MAP3K7: variants seen among roughly 807,000 people sequenced by gnomAD.
The protein encoded by MAP3K7 is TGF-beta activated kinase 1.
Under a neutral mutation model 84.8 loss-of-function variants are expected in MAP3K7, and 21 were observed. The observed-to-expected ratio is 0.25, with a 90% CI of 0.18 to 0.36. The LOEUF (loss-of-function observed/expected upper bound fraction) is 0.36. Ranked by LOEUF, MAP3K7 falls within the 10% of genes least tolerant of loss-of-function variation. The pLI is 1.00. For missense variants in MAP3K7, 503 were observed against 747.7 expected, an observed-to-expected ratio of 0.67 and a Z score of 3.82; for synonymous variants, 241 against 247.7, an observed-to-expected ratio of 0.97 and a Z score of 0.25.
chr6:90,517,763 A>C (rs1203428625), intron 16 of MAP3K7, among the ~76,000 whole-genome samples: 1 of 151,744 alleles, frequency 6.6e-6, no homozygotes, highest in Non-Finnish European at 1.5e-5. Flanking sequence ...TCGCAAATTC[A>C]GAAAAAAACA....
Position 90,516,680 on chromosome 6 carries a change from G to C in MAP3K7, c.1642C>G (p.Gln548Glu). 6.3e-7 allele frequency: 1 copy of C among 1,595,654 alleles called. No individual in the cohort carries two copies. Among genetic ancestry groups the C allele is most frequent in the South Asian group, 1.1e-5 (1 of 87,204 alleles). ...TGGTCCAGTTCTGCAACTAGTTCTT[G>C]CCTACAAACAAATACCACATAATAT... ...TEIALLLQRKQELVAELDQDE... is the reference protein window; with the variant it reads ...TEIALLLQRKEELVAELDQDE... The change falls in exon 17 of 17, where the codon CAA becomes GAA. Residue 548 changes from glutamine to glutamate, a missense_variant and splice_region_variant. Coordinates refer to ENST00000369329, the MANE Select transcript of MAP3K7 (RefSeq NM_145331.3).
At chr6:90,566,239 A>G (rs2127982087) in intron 3 of MAP3K7, among the ~76,000 whole-genome samples, 1 of 152,314 alleles carries the variant, frequency 6.6e-6, no homozygotes, top group South Asian at 2.1e-4. Context: ...GAAAGAAATA[A>G]AGGGTATTCA....
chr6:90,552,188 G>GA lies in MAP3K7; in HGVS notation c.737-10dup. On this transcript the variant is annotated splice_polypyrimidine_tract_variant and intron_variant, in intron 7 of 16. Coordinates refer to ENST00000369329, the MANE Select transcript of MAP3K7 (RefSeq NM_145331.3). Reference sequence around the variant, plus strand: ...CAGTGGTGGTCGAGTACCTACAATTGAAAATGAGAGGAAGGGGGGAAGAAT... The same window carrying GA: ...CAGTGGTGGTCGAGTACCTACAATTGAAAAATGAGAGGAAGGGGGGAAGAAT... 4.4e-6 allele frequency: 7 copies of GA among 1,591,460 alleles called. No homozygotes were observed. Among genetic ancestry groups the GA allele is most frequent in the Non-Finnish European group, 6.0e-6 (7 of 1,162,366 alleles).
In MAP3K7 at chr6:90,556,631, A is replaced by G. The variant is rs45625637; in HGVS notation, c.483-7T>C. On this transcript the variant is annotated splice_polypyrimidine_tract_variant and splice_region_variant and intron_variant, in intron 5 of 16. Coordinates refer to ENST00000369329, the MANE Select transcript of MAP3K7 (RefSeq NM_145331.3). ...CCCTGCAACCAGCAGTAAGCTGTTTAAAAAAAAACAAAAAACATCAAAAGT... is the reference window on the plus strand; with the variant it reads ...CCCTGCAACCAGCAGTAAGCTGTTTGAAAAAAAACAAAAAACATCAAAAGT... The G allele has an allele frequency of 6.8e-7, 1 of 1,475,284 alleles. No individual in the cohort carries two copies. Among genetic ancestry groups the G allele is most frequent in the African/African-American group, 2.2e-5 (1 of 45,958 alleles). The allele number at this position is 1,475,284 out of a possible 1,614,324, so 91.4% of individuals were successfully genotyped here.
intron 12 of MAP3K7, 91 bp from the exon 13 acceptor site, chr6:90,536,492 G>A: frequency 1.2e-6 from 1 of 815,042 alleles, no homozygotes; most frequent in Non-Finnish European, 1.9e-6. Flanking sequence ...GGAATTTGTT[G>A]CTCCTTGGAT....
chr6:90,586,992 C>G lies in MAP3K7; in HGVS notation c.-109G>C. 1 of 1,292,740 alleles carries G rather than the reference C, an allele frequency of 7.7e-7. No individual in the cohort carries two copies. Among genetic ancestry groups the G allele is most frequent in the Non-Finnish European group, 1.0e-6 (1 of 992,218 alleles). 80.1% of individuals were successfully genotyped at this position (1,292,740 alleles called of 1,614,324 possible). ...GACCCTCAGCCTGGAGCCGCGCAGTCCTACTACCCGGCGATCCGTGGCGGG... is the reference window on the plus strand; with the variant it reads ...GACCCTCAGCCTGGAGCCGCGCAGTGCTACTACCCGGCGATCCGTGGCGGG... On this transcript the variant is annotated 5_prime_UTR_variant, in exon 1 of 17. Coordinates refer to ENST00000369329, the MANE Select transcript of MAP3K7 (RefSeq NM_145331.3).
chr6:90,587,030 G>C lies in MAP3K7; in HGVS notation c.-147C>G. 2.1e-6 allele frequency: 2 copies of C among 955,610 alleles called. No homozygotes were observed. Among genetic ancestry groups the C allele is most frequent in the Non-Finnish European group, 2.9e-6 (2 of 695,898 alleles). 59.2% of individuals were successfully genotyped at this position (955,610 alleles called of 1,614,324 possible). The stretch of plus-strand genomic sequence containing the variant: ...GATCCGTGGCGGGGGTAGAGGCAGC[G>C]GCCACAGCCGTGTCCGGCTCTGGCT... On this transcript the variant is annotated 5_prime_UTR_variant, in exon 1 of 17. Transcript: ENST00000369329.
Position 90,553,590 on chromosome 6 carries a change from G to C in MAP3K7, c.608-4C>G. On this transcript the variant is annotated splice_polypyrimidine_tract_variant and splice_region_variant and intron_variant, in intron 6 of 16. Coordinates refer to ENST00000369329, the MANE Select transcript of MAP3K7 (RefSeq NM_145331.3). ...CATTTTTCACTGTAATTACTACCTA[G>C]AAAAAAAAAAGGTAGTATATAACCT... The C allele has an allele frequency of 7.0e-7, 1 of 1,435,342 alleles. No homozygotes were observed. The highest frequency in any genetic ancestry group is 9.4e-7 in the Non-Finnish European group (1 of 1,065,980). 88.9% of individuals were successfully genotyped at this position (1,435,342 alleles called of 1,614,324 possible).
chr6:90,549,519 G>C (rs1776113621), intron 9 of MAP3K7, among the ~76,000 whole-genome samples: 1 of 152,072 alleles, frequency 6.6e-6, no homozygotes, highest in South Asian at 2.1e-4. Flanking sequence ...TTGAGAGAGA[G>C]GCTAGAAAGA....
intron 5 of MAP3K7, 26 bp downstream of exon 5, chr6:90,560,050 A>AG: frequency 2.5e-6 from 4 of 1,613,954 alleles, no homozygotes; most frequent in Non-Finnish European, 2.5e-6. Flanking sequence ...GAAGAGGCTG[A>AG]GGGGTGTCAC....
At position 90,518,443 on chromosome 6, in the gene MAP3K7, T is replaced by G; in HGVS notation, c.1640+4A>C. 1 of 1,410,432 alleles carries G rather than the reference T, an allele frequency of 7.1e-7. No homozygotes were observed. Among genetic ancestry groups the G allele is most frequent in the Non-Finnish European group, 9.9e-7 (1 of 1,006,290 alleles). 87.4% of individuals were successfully genotyped at this position (1,410,432 alleles called of 1,614,324 possible). A position where few individuals can be genotyped will look rare whatever the true frequency, so the allele number is the denominator to read the frequency against. ...TTTATTTTTATTCATAAAAAATAAC[T>G]TACTTTCTCTGTAATAACAATGCAA... On this transcript the variant is annotated splice_donor_region_variant and intron_variant, in intron 16 of 16. Transcript: ENST00000369329.
At chr6:90,559,016 G>C (rs1776423227) in intron 5 of MAP3K7, among the ~76,000 whole-genome samples, 1 of 152,080 alleles carries the variant, frequency 6.6e-6, no homozygotes, top group African/African-American at 2.4e-5. Context: ...TAATATAGTG[G>C]AAAAAGGATG....
chr6:90,569,497 T>C (rs1176669142), intron 2 of MAP3K7, among the ~76,000 whole-genome samples: 5 of 152,004 alleles, frequency 3.3e-5, no homozygotes, highest in Admixed American at 3.3e-4. Flanking sequence ...CTTTCTTTCT[T>C]TTGAGACAGG....
chr6:90,546,001 G>A (rs535867449), intron 11 of MAP3K7, among the ~76,000 whole-genome samples: 1 of 152,218 alleles, frequency 6.6e-6, no homozygotes, highest in Admixed American at 6.5e-5. Context: ...TGGAGCACAG[G>A]ATAACTTTGA....
intron 1 of MAP3K7, among the ~76,000 whole-genome samples, chr6:90,581,584 C>A (rs906766601): frequency 3.3e-5 from 5 of 152,160 alleles, no homozygotes; most frequent in Admixed American, 2.0e-4. Context: ...TTAATACCTG[C>A]CACAGTACAT....
intron 7 of MAP3K7, 141 bp downstream of exon 7, chr6:90,553,317 T>A (rs1776238423): frequency 1.2e-6 from 1 of 839,772 alleles, no homozygotes; most frequent in African/African-American, 1.7e-5. Flanking sequence ...CAGAGTCTGA[T>A]AATAGCAAAG....
At position 90,557,716 on chromosome 6, in the gene MAP3K7, C is replaced by G. The variant is rs144070743; in HGVS notation, c.483-1092G>C. 1.2e-3 allele frequency among the ~76,000 whole-genome samples: 176 copies of G among 152,204 alleles called. 1 individual carries two copies. The highest frequency in any genetic ancestry group is 4.0e-3 in the African/African-American group (167 of 41,524). ...TTTCTGATGATTCAAGATAATTTTC[C>G]TGAATGAGTTTTATGTTAGTACTCC... On this transcript the variant is annotated intron_variant, in intron 5 of 16. Transcript: ENST00000369329.
intron 1 of MAP3K7, among the ~76,000 whole-genome samples, chr6:90,577,004 C>T (rs1777105979): frequency 6.6e-6 from 1 of 152,132 alleles, no homozygotes; most frequent in Non-Finnish European, 1.5e-5. Context: ...TGACATTAAA[C>T]AAAATCATTA....
chr6:90,535,275 G>A (rs2127964152), intron 13 of MAP3K7, among the ~76,000 whole-genome samples: 1 of 151,770 alleles, frequency 6.6e-6, no homozygotes, highest in East Asian at 1.9e-4. Flanking sequence ...CAAATTTTAA[G>A]TATATTATAC....
Sources: allele counts gnomAD v4.1 joint callset (sites outside exome capture counted in the v4.1 genomes callset), GRCh38; gene constraint gnomAD v4.1.1; transcripts MANE v1.5; gene names NCBI Gene and HGNC (gene_info 2026-07-23, HGNC 2026-07-21).